USP34: variants seen among roughly 807,000 people sequenced by gnomAD.
USP34 encodes the protein ubiquitin carboxyl-terminal hydrolase 34.
A neutral mutation model predicts 460.3 loss-of-function variants in USP34; 70 were observed. The ratio of observed to expected loss-of-function variants is 0.15; its 90% CI spans 0.13 to 0.19. The LOEUF (loss-of-function observed/expected upper bound fraction) is 0.19. USP34 is among the 10% of genes least tolerant of loss of function. The pLI is 1.00. For missense variants in USP34, 3,985 were observed against 4,236.2 expected (o/e 0.94, Z 1.65); for synonymous variants, 1,647 against 1,405.3 (o/e 1.17, Z -3.85).
intron 10 of USP34, among the ~76,000 whole-genome samples, chr2:61,359,838 T>C (rs1191846068): frequency 7.2e-6 from 1 of 138,492 alleles, no homozygotes; most frequent in Non-Finnish European, 1.5e-5. Context: ...CCTAAAGTGC[T>C]CGGCTGGGTG....
At chr2:61,378,768 T>C (rs1324091374) in intron 7 of USP34, among the ~76,000 whole-genome samples, 1 of 151,758 alleles carries the variant, frequency 6.6e-6, no homozygotes, top group East Asian at 1.9e-4. Context: ...TAGCTGGGTA[T>C]GGTGGCATGC....
chr2:61,368,699 A>T (rs1692515526), intron 10 of USP34, among the ~76,000 whole-genome samples: 1 of 152,226 alleles, frequency 6.6e-6, no homozygotes, highest in Non-Finnish European at 1.5e-5. Flanking sequence ...CTTTAAACCA[A>T]CATAAATCCC....
At position 61,339,521 on chromosome 2, in the gene USP34, T is replaced by A. The variant is rs1031899394; in HGVS notation, c.2617-43A>T. 5 of 1,561,644 alleles carry A rather than the reference T, an allele frequency of 3.2e-6. No individual in the cohort carries two copies. In the Middle Eastern group the frequency reaches 5.2e-4, roughly 161 times the overall value. Reference sequence around the variant, plus strand: ...AAAATTACTATTTATCCTAATTGCATCTTGCTGAAATTTCTTACTCTTCTG... The same window carrying A: ...AAAATTACTATTTATCCTAATTGCAACTTGCTGAAATTTCTTACTCTTCTG... On this transcript the variant is annotated intron_variant, in intron 17 of 79. Transcript: ENST00000398571.
rs758095091 is a variant in USP34 at position 61,241,669 on chromosome 2, G to A, written c.6682-14C>T. On this transcript the variant is annotated splice_polypyrimidine_tract_variant and intron_variant, in intron 52 of 79. Coordinates refer to ENST00000398571, the MANE Select transcript of USP34 (RefSeq NM_014709.4). ...TGCACTGTGTGTCTTTAAGAGGCAA[G>A]AAAAAAATTTATTTTCATTTTGACA... 2.6e-6 allele frequency: 4 copies of A among 1,550,552 alleles called. No individual in the cohort carries two copies. Among genetic ancestry groups the A allele is most frequent in the African/African-American group, 2.8e-5 (2 of 70,740 alleles).
chr2:61,219,796 A>ATC (rs1558472683), intron 67 of USP34, among the ~76,000 whole-genome samples: 6 of 152,290 alleles, frequency 3.9e-5, no homozygotes, highest in Admixed American at 3.9e-4. Context: ...TTTAAAAATT[A>ATC]AATTTTCATT....
At chr2:61,314,995 A>G in intron 23 of USP34, 21 bp from the exon 24 acceptor site, 1 of 1,590,150 alleles carries the variant, frequency 6.3e-7, no homozygotes. Flanking sequence ...AAAATATGGT[A>G]TCTCTAAATT....
chr2:61,430,358 C>T (rs938561995), intron 1 of USP34, among the ~76,000 whole-genome samples: 3 of 152,138 alleles, frequency 2.0e-5, no homozygotes, highest in South Asian at 2.1e-4. Flanking sequence ...GAGCCAGGAT[C>T]GTGCCATTGC....
chr2:61,381,014 T>A (rs1018819224), intron 6 of USP34, among the ~76,000 whole-genome samples: 3 of 152,018 alleles, frequency 2.0e-5, no homozygotes, highest in African/African-American at 7.2e-5. Flanking sequence ...GCTAGCATGC[T>A]CGTTAAGAGT....
At chr2:61,407,435 T>C (rs1296108830) in intron 2 of USP34, among the ~76,000 whole-genome samples, 1 of 152,206 alleles carries the variant, frequency 6.6e-6, no homozygotes, top group African/African-American at 2.4e-5. Context: ...CTAATAATAC[T>C]TGTACCAGAT....
At chr2:61,212,890 G>C (rs1441913541) in intron 68 of USP34, among the ~76,000 whole-genome samples, 1 of 152,066 alleles carries the variant, frequency 6.6e-6, no homozygotes, top group East Asian at 1.9e-4. Context: ...GAATATGATA[G>C]AGACAAATTT....
chr2:61,369,900 G>C (rs1404101203), intron 10 of USP34, among the ~76,000 whole-genome samples: 1 of 149,942 alleles, frequency 6.7e-6, no homozygotes, highest in East Asian at 2.0e-4. Flanking sequence ...GCATGCTTGA[G>C]AGATGGGGCA....
In USP34 at chr2:61,311,808, G is replaced by C. The variant is rs769958586; in HGVS notation, c.3645C>G (p.Cys1215Trp). 1 of 1,613,896 alleles carries C rather than the reference G, an allele frequency of 6.2e-7. No homozygotes were observed. Among genetic ancestry groups the C allele is most frequent in the South Asian group, 1.1e-5 (1 of 91,042 alleles). The part of the protein sequence containing the change: ...DKQSLPLRVV[C>W]QPAGLPDKMT... ...CCTTGTCAGGAAGTCCAGCTGGCTG[G>C]CATACAACCCTTAGCGGCAGAGACT... The change falls in exon 26 of 80, where the codon TGC becomes TGG. Residue 1215 changes from cysteine to tryptophan, a missense_variant. By Grantham distance (215) the Cys-to-Trp change is radical. Around this residue, in one of 14 missense-constraint regions of USP34, gnomAD observed 1,114 missense variants for 1,122.5 expected, o/e 0.99. Coordinates refer to ENST00000398571, the MANE Select transcript of USP34 (RefSeq NM_014709.4).
chr2:61,230,943 C>G (rs1340358219), intron 58 of USP34, among the ~76,000 whole-genome samples: 1 of 151,604 alleles, frequency 6.6e-6, no homozygotes, highest in Admixed American at 6.6e-5. Flanking sequence ...AAAACTTGTA[C>G]TAAAAGTTCC....
At chr2:61,352,592 T>TA (rs1691972752) in intron 10 of USP34, among the ~76,000 whole-genome samples, 4 of 150,606 alleles carry the variant, frequency 2.7e-5, no homozygotes, top group African/African-American at 9.8e-5. Flanking sequence ...CCTCGCAAAG[T>TA]GCTGAAATTA....
intron 75 of USP34, among the ~76,000 whole-genome samples, chr2:61,202,830 G>GT (rs1687014660): frequency 6.6e-6 from 1 of 152,056 alleles, no homozygotes; most frequent in Admixed American, 6.6e-5. Flanking sequence ...AAGCAGAGCA[G>GT]TTTTGTTTTT....
At chr2:61,201,469 T>A (rs1255670236) in intron 75 of USP34, among the ~76,000 whole-genome samples, 1 of 152,152 alleles carries the variant, frequency 6.6e-6, no homozygotes, top group Non-Finnish European at 1.5e-5. Context: ...CGCCTTGGCC[T>A]CCCAAAGTGC....
At chr2:61,449,240 G>C (rs1205347312) in intron 1 of USP34, among the ~76,000 whole-genome samples, 1 of 123,212 alleles carries the variant, frequency 8.1e-6, no homozygotes, top group Non-Finnish European at 1.7e-5. Flanking sequence ...CTGGATGACA[G>C]TGAGACTCCC....
intron 5 of USP34, among the ~76,000 whole-genome samples, chr2:61,387,858 T>A (rs1352788571): frequency 6.8e-6 from 1 of 146,028 alleles, no homozygotes; most frequent in Non-Finnish European, 1.5e-5. Flanking sequence ...CATGTAAAAA[T>A]ATATATTTTT....
intron 5 of USP34, among the ~76,000 whole-genome samples, chr2:61,392,685 A>G (rs1693388190): frequency 1.3e-5 from 2 of 152,222 alleles, no homozygotes; most frequent in Admixed American, 1.3e-4. Flanking sequence ...AAGATATAGT[A>G]ATAAAGTCTT....
Sources: gnomAD v4.1 joint callset for allele counts (sites outside exome capture counted in the v4.1 genomes callset) on GRCh38, gnomAD v4.1.1 for gene constraint, gnomAD v4.1.1 regional missense constraint, MANE v1.5 for transcripts, NCBI Gene and HGNC (gene_info 2026-07-23, HGNC 2026-07-21) for gene names.